Variants in TENM2 observed in about 807,000 individuals in gnomAD.
The protein encoded by TENM2 is teneurin-2.
TENM2 carries 52 observed loss-of-function variants against 245.2 expected under a neutral mutation model. That is an observed-to-expected ratio of 0.21 (90% CI 0.17 to 0.27). The LOEUF is 0.27. TENM2 is among the 10% of genes least tolerant of loss of function. The pLI, the probability that TENM2 is intolerant of heterozygous loss-of-function variation, is 1.00. For missense variants in TENM2, 3,046 were observed against 3,666.8 expected (o/e 0.83, Z 4.37); for synonymous variants, 1,363 against 1,438.9 (o/e 0.95, Z 1.19).
At chr5:167,121,795 T>C in the TENM2 span, among the ~76,000 whole-genome samples, 1 of 152,204 alleles carries the variant, frequency 6.6e-6, no homozygotes, top group Non-Finnish European at 1.5e-5. Flanking sequence ...TTCCTCTGTA[T>C]AGATTAGAGT....
At chr5:167,725,763 A>G (rs959542167) in intron 2 of TENM2, among the ~76,000 whole-genome samples, 1 of 152,006 alleles carries the variant, frequency 6.6e-6, no homozygotes, top group Non-Finnish European at 1.5e-5. Context: ...ACCACTTCCT[A>G]CAGGTCAGGG....
At chr5:167,683,248 T>A (rs111378984) in intron 2 of TENM2, among the ~76,000 whole-genome samples, 1,709 of 130,002 alleles carry the variant, frequency 0.013, 31 homozygotes, top group African/African-American at 0.054. Context: ...AAGGACCATG[T>A]CTTTTTTTTT....
At chr5:167,562,988 G>A (rs7720492) in intron 2 of TENM2, among the ~76,000 whole-genome samples, 17 of 149,952 alleles carry the variant, frequency 1.1e-4, no homozygotes, top group Non-Finnish European at 2.5e-4. Flanking sequence ...AAAAGAAAAA[G>A]CAAGCCTACC....
intron 6 of TENM2, among the ~76,000 whole-genome samples, chr5:168,058,928 A>G (rs770607785): frequency 6.6e-6 from 1 of 152,190 alleles, no homozygotes; most frequent in Non-Finnish European, 1.5e-5. Context: ...TACAAAAAAA[A>G]AGGACTGGAA....
At chr5:167,751,104 G>T (rs1481263620) in intron 2 of TENM2, among the ~76,000 whole-genome samples, 1 of 152,134 alleles carries the variant, frequency 6.6e-6, no homozygotes, top group Non-Finnish European at 1.5e-5. Context: ...GGACAGGGTT[G>T]CCAGGGTGGA....
rs562023611 is a variant in TENM2, at chr5:167,520,746, G to A, written c.502+145273G>A. ...CTTCATCTTTTCTCCACGTCATGGC[G>A]CTGCTTCCTCCCTATTCCTGCTTCC... On this transcript the variant is annotated intron_variant, in intron 2 of 28. Coordinates refer to ENST00000518659, the Ensembl canonical transcript of TENM2. Among the ~76,000 whole-genome samples the A allele has an allele frequency of 2.4e-4, 36 of 151,738 alleles. No homozygotes were observed. In the South Asian group the frequency reaches 5.0e-3, roughly 21 times the overall value.
At chr5:167,638,697 C>G (rs1779371219) in intron 2 of TENM2, among the ~76,000 whole-genome samples, 1 of 152,160 alleles carries the variant, frequency 6.6e-6, no homozygotes, top group Non-Finnish European at 1.5e-5. Context: ...AGGCATCAAG[C>G]CTTTTCTCTG....
intron 1 of TENM2, among the ~76,000 whole-genome samples, chr5:167,304,809 C>A (rs1372565150): frequency 6.6e-6 from 1 of 152,124 alleles, no homozygotes; most frequent in Non-Finnish European, 1.5e-5. Context: ...ACATGCTTAG[C>A]AAACCTGATA....
chr5:167,105,951 G>T, the TENM2 span, among the ~76,000 whole-genome samples: 1 of 144,298 alleles, frequency 6.9e-6, no homozygotes, highest in African/African-American at 2.6e-5. Context: ...GGAGGAATGT[G>T]TGTGCAAGCA....
chr5:167,494,760 G>A lies in TENM2; in HGVS notation c.502+119287G>A, dbSNP rs192432179. On this transcript the variant is annotated intron_variant, in intron 2 of 28. Transcript: ENST00000518659. ...ATATTCTTTTTAAAAATCCAATTAT[G>A]CCATTTTTCTAACTGTCTACCTTAG... Among the ~76,000 whole-genome samples the A allele has an allele frequency of 1.8e-3, 270 of 152,142 alleles. 1 individual carries two copies. The highest frequency in any genetic ancestry group is 2.1e-3 in the Non-Finnish European group (142 of 67,974).
intron 5 of TENM2, among the ~76,000 whole-genome samples, chr5:168,026,248 C>T (rs1179238216): frequency 6.6e-6 from 1 of 152,154 alleles, no homozygotes; most frequent in Non-Finnish European, 1.5e-5. Flanking sequence ...GTGCAAATAA[C>T]AGGCAGAAGC....
In TENM2 at chr5:167,733,126, G is replaced by A. The variant is rs187136727; in HGVS notation, c.503-142860G>A. ...CTCAGCTTGACTCGCTGGTGTCAAA[G>A]AGAAAGGCATATTCCCAGGCAGTGG... is the stretch of plus-strand genomic sequence containing the variant. On this transcript the variant is annotated intron_variant, in intron 2 of 28. Coordinates refer to ENST00000518659, the Ensembl canonical transcript of TENM2. 3.4e-3 allele frequency among the ~76,000 whole-genome samples: 516 copies of A among 152,270 alleles called. 3 individuals carry two copies. The highest frequency in any genetic ancestry group is 0.018 in the Admixed American group (269 of 15,290).
chr5:167,492,686 A>G (rs1284757872), intron 2 of TENM2, among the ~76,000 whole-genome samples: 1 of 152,156 alleles, frequency 6.6e-6, no homozygotes, highest in Non-Finnish European at 1.5e-5. Context: ...AGTAAAACAA[A>G]AAGGCATTCA....
chr5:167,394,816 C>T (rs955264994), intron 2 of TENM2, among the ~76,000 whole-genome samples: 2 of 152,006 alleles, frequency 1.3e-5, no homozygotes, highest in African/African-American at 4.8e-5. Context: ...AGGCTGGTCT[C>T]AAACTCCTGA....
intron 2 of TENM2, among the ~76,000 whole-genome samples, chr5:167,389,951 G>C: frequency 6.6e-6 from 1 of 152,156 alleles, no homozygotes; most frequent in East Asian, 1.9e-4. Context: ...CATATGGAAA[G>C]ATAGTGGGAC....
intron 2 of TENM2, among the ~76,000 whole-genome samples, chr5:167,598,077 A>T (rs1200903002): frequency 6.6e-6 from 1 of 152,218 alleles, no homozygotes; most frequent in Admixed American, 6.5e-5. Flanking sequence ...CCAGTGAAGC[A>T]TGAAGGAGTG....
intron 2 of TENM2, among the ~76,000 whole-genome samples, chr5:167,570,296 A>G (rs953605863): frequency 6.6e-6 from 1 of 152,028 alleles, no homozygotes; most frequent in Non-Finnish European, 1.5e-5. Flanking sequence ...GATACATAAG[A>G]TAATGAAATA....
chr5:167,412,420 G>GGAGGCT (rs1762955971), intron 2 of TENM2, among the ~76,000 whole-genome samples: 1 of 152,076 alleles, frequency 6.6e-6, no homozygotes, highest in African/African-American at 2.4e-5. Flanking sequence ...CAATACTTTG[G>GGAGGCT]GAGGCTAAGG....
intron 8 of TENM2, among the ~76,000 whole-genome samples, chr5:168,096,215 G>A (rs1411502452): frequency 6.6e-6 from 1 of 152,212 alleles, no homozygotes; most frequent in Non-Finnish European, 1.5e-5. Flanking sequence ...GTGCTCTCAA[G>A]ACATTCAGAA....
Sources: allele counts gnomAD v4.1 joint callset (sites outside exome capture counted in the v4.1 genomes callset), GRCh38; gene constraint gnomAD v4.1.1; transcripts MANE v1.5; gene names NCBI Gene and HGNC (gene_info 2026-07-23, HGNC 2026-07-21).